NCAM2: variants seen among roughly 807,000 people sequenced by gnomAD.
The protein encoded by NCAM2 is N-CAM-2.
NCAM2 carries 30 observed loss-of-function variants against 98.1 expected under a neutral mutation model. The ratio of observed to expected loss-of-function variants is 0.31; its 90% CI spans 0.23 to 0.41. NCAM2 has a LOEUF of 0.41. Among genes scored for constraint, NCAM2 ranks in the 10% least tolerant of loss-of-function variants. The pLI, the probability that NCAM2 is intolerant of heterozygous loss-of-function variation, is 1.00. For missense variants in NCAM2, 867 were observed against 1,005.8 expected, an observed-to-expected ratio of 0.86 and a Z score of 1.87; for synonymous variants, 368 against 342.4, an observed-to-expected ratio of 1.07 and a Z score of -0.83.
intron 1 of NCAM2, among the ~76,000 whole-genome samples, chr21:21,187,009 C>T (rs2068661727): frequency 6.6e-6 from 1 of 152,076 alleles, no homozygotes; most frequent in African/African-American, 2.4e-5. Flanking sequence ...GCAGGTGGAT[C>T]ACCTGAGGTT....
At chr21:21,196,670 C>G (rs1321678289) in intron 1 of NCAM2, among the ~76,000 whole-genome samples, 1 of 152,180 alleles carries the variant, frequency 6.6e-6, no homozygotes, top group Non-Finnish European at 1.5e-5. Flanking sequence ...GGTGATATGG[C>G]AGGGGCCAGA....
intron 12 of NCAM2, among the ~76,000 whole-genome samples, chr21:21,432,920 C>G (rs2077376302): frequency 6.6e-6 from 1 of 152,054 alleles, no homozygotes; most frequent in Non-Finnish European, 1.5e-5. Flanking sequence ...GACACAGAAC[C>G]ATACTGAGTG....
intron 1 of NCAM2, among the ~76,000 whole-genome samples, chr21:21,206,161 G>A (rs909315635): frequency 6.6e-6 from 1 of 152,110 alleles, no homozygotes; most frequent in East Asian, 1.9e-4. Flanking sequence ...TCAGAGTAGC[G>A]TGTGGGAGAT....
At chr21:21,299,312 T>G (rs1443779496) in intron 5 of NCAM2, among the ~76,000 whole-genome samples, 6 of 151,410 alleles carry the variant, frequency 4.0e-5, no homozygotes, top group African/African-American at 1.5e-4. Flanking sequence ...TTTTTTTTTT[T>G]GCTTGTGTCA....
At chr21:21,095,886 A>G (rs952802677) in intron 1 of NCAM2, among the ~76,000 whole-genome samples, 12 of 151,668 alleles carry the variant, frequency 7.9e-5, no homozygotes, top group Admixed American at 4.6e-4. Flanking sequence ...GATGCAGAGG[A>G]ACCGTTAAGG....
chr21:21,102,620 T>G (rs74974875), intron 1 of NCAM2, among the ~76,000 whole-genome samples: 1 of 151,372 alleles, frequency 6.6e-6, no homozygotes, highest in Non-Finnish European at 1.5e-5. Flanking sequence ...GTGATAAGTT[T>G]TGAGGGGGGA....
chr21:21,301,518 A>G (rs1485752735), intron 5 of NCAM2, among the ~76,000 whole-genome samples: 3 of 130,836 alleles, frequency 2.3e-5, no homozygotes, highest in Non-Finnish European at 4.9e-5. Flanking sequence ...TATATCTCCC[A>G]ATGCTATCCC....
At chr21:21,304,447 T>C (rs2073820444) in intron 5 of NCAM2, among the ~76,000 whole-genome samples, 1 of 152,036 alleles carries the variant, frequency 6.6e-6, no homozygotes, top group Non-Finnish European at 1.5e-5. Flanking sequence ...TTTTAGGGAA[T>C]CTATTCTGTT....
chr21:21,367,087 G>T (rs1326967405), intron 8 of NCAM2, among the ~76,000 whole-genome samples: 1 of 151,860 alleles, frequency 6.6e-6, no homozygotes, highest in African/African-American at 2.4e-5. Flanking sequence ...ATATTATAAC[G>T]CATTTTTAAA....
chr21:21,070,507 G>A (rs958688499), intron 1 of NCAM2, among the ~76,000 whole-genome samples: 1 of 151,960 alleles, frequency 6.6e-6, no homozygotes, highest in Non-Finnish European at 1.5e-5. Flanking sequence ...CAGAGGAAGA[G>A]GGGGGTGAAA....
chr21:21,356,710 G>T (rs13048834), intron 8 of NCAM2, among the ~76,000 whole-genome samples: 36,183 of 151,998 alleles, frequency 0.24, 4,533 homozygotes, highest in East Asian at 0.29. Flanking sequence ...TATAAGTTTC[G>T]CCAGGCACAG....
At chr21:21,247,410 A>G (rs1481881398) in intron 1 of NCAM2, among the ~76,000 whole-genome samples, 2 of 152,234 alleles carry the variant, frequency 1.3e-5, no homozygotes, top group Non-Finnish European at 2.9e-5. Flanking sequence ...GAAACGAAAT[A>G]CAAAATTAAT....
At chr21:21,141,645 C>T (rs867162031) in intron 1 of NCAM2, among the ~76,000 whole-genome samples, 17 of 152,236 alleles carry the variant, frequency 1.1e-4, no homozygotes, top group Middle Eastern at 3.4e-3. Flanking sequence ...TGGTCTCATT[C>T]GTGCTCAAAT....
intron 16 of NCAM2, 58 bp downstream of exon 16, chr21:21,509,113 G>A (rs1456969991): frequency 6.4e-7 from 1 of 1,571,684 alleles, no homozygotes; most frequent in Non-Finnish European, 8.7e-7. Context: ...TCAAGCTCGA[G>A]TGCTTTACCT....
intron 8 of NCAM2, among the ~76,000 whole-genome samples, chr21:21,362,713 A>G (rs897209729): frequency 1.3e-5 from 2 of 152,180 alleles, no homozygotes; most frequent in African/African-American, 2.4e-5. Flanking sequence ...AAACTTTAAT[A>G]TGCTTACTGA....
chr21:21,129,465 G>A (rs998229637), intron 1 of NCAM2, among the ~76,000 whole-genome samples: 1 of 151,984 alleles, frequency 6.6e-6, no homozygotes. Context: ...ATTTTCTACT[G>A]CCAGCTGCTA....
intron 15 of NCAM2, among the ~76,000 whole-genome samples, chr21:21,490,138 T>A (rs187527229): frequency 4.0e-4 from 61 of 152,186 alleles, no homozygotes; most frequent in Admixed American, 2.9e-3. Context: ...TATTAACTAA[T>A]TTCCAAGCCT....
At chr21:21,214,722 CAT>C (rs1555829682) in intron 1 of NCAM2, among the ~76,000 whole-genome samples, 2,465 of 92,560 alleles carry the variant, frequency 0.027, 118 homozygotes, top group African/African-American at 0.081. Context: ...ATATATATTC[CAT>C]ATATATATAT....
chr21:21,485,180 GAAAC>G (rs1986242683), intron 15 of NCAM2, among the ~76,000 whole-genome samples: 1 of 152,000 alleles, frequency 6.6e-6, no homozygotes, highest in Non-Finnish European at 1.5e-5. Context: ...GAATAAATGT[GAAAC>G]AGTTTCCTAT....
Sources: allele counts gnomAD v4.1 joint callset (sites outside exome capture counted in the v4.1 genomes callset), GRCh38; gene constraint gnomAD v4.1.1; transcripts MANE v1.5; gene names NCBI Gene and HGNC (gene_info 2026-07-23, HGNC 2026-07-21).